EIF3H: variants seen among roughly 807,000 people sequenced by gnomAD.
EIF3H encodes the protein eIF-3-gamma.
Under a neutral mutation model 44.2 loss-of-function variants are expected in EIF3H, and 26 were observed. The observed-to-expected ratio is 0.59, with a 90% CI of 0.43 to 0.82. The LOEUF (loss-of-function observed/expected upper bound fraction) is 0.82, where lower values mean the gene tolerates loss of function less well. Ranked by LOEUF, EIF3H falls within the 40% of genes least tolerant of loss-of-function variation. The probability of loss-of-function intolerance (pLI) is 0.00; values close to 1 mark genes in which losing one functional copy is unlikely to be tolerated. For synonymous variants in EIF3H, 166 were observed against 151.9 expected (o/e 1.09, Z -0.68); for missense variants, 359 against 432.8 (o/e 0.83, Z 1.51).
At chr8:116,758,799 T>C (rs2131007278), upstream of EIF3H, among the ~76,000 whole-genome samples, 1 of 152,308 alleles carries the variant, frequency 6.6e-6, no homozygotes, top group Non-Finnish European at 1.5e-5. Flanking sequence ...AGGAAAATTT[T>C]AAAACATACA....
chr8:116,648,994 G>A (rs1414965916), intron 5 of EIF3H, 68 bp from the exon 6 acceptor site: 2 of 1,397,890 alleles, frequency 1.4e-6, no homozygotes, highest in East Asian at 5.1e-5. Flanking sequence ...GCTCTAAACA[G>A]TTTTAAGATA....
At chr8:116,735,958 T>G (rs1815031614) in intron 1 of EIF3H, among the ~76,000 whole-genome samples, 1 of 152,184 alleles carries the variant, frequency 6.6e-6, no homozygotes, top group Non-Finnish European at 1.5e-5. Flanking sequence ...ATATCAGCGC[T>G]GAAAAAGCTT....
chr8:116,728,121 A>G (rs1814883531), intron 1 of EIF3H, among the ~76,000 whole-genome samples: 1 of 152,226 alleles, frequency 6.6e-6, no homozygotes, highest in Non-Finnish European at 1.5e-5. Context: ...TGTACTGATC[A>G]TCAACACGAC....
intron 2 of EIF3H, among the ~76,000 whole-genome samples, chr8:116,702,115 T>C (rs778161001): frequency 7.9e-5 from 12 of 152,142 alleles, no homozygotes; most frequent in Admixed American, 7.9e-4. Context: ...GTGTGAAGTC[T>C]GGGAATAATG....
chr8:116,733,829 T>C (rs1814989063), intron 1 of EIF3H, among the ~76,000 whole-genome samples: 1 of 152,212 alleles, frequency 6.6e-6, no homozygotes, highest in South Asian at 2.1e-4. Flanking sequence ...AAATATTTTA[T>C]AAAACAAGGT....
chr8:116,704,501 G>A (rs202077471), intron 2 of EIF3H, among the ~76,000 whole-genome samples: 208 of 152,074 alleles, frequency 1.4e-3, no homozygotes, highest in Non-Finnish European at 2.2e-3. Context: ...AAAGATAGAG[G>A]GGAAAAATTT....
chr8:116,708,995 T>TA (rs780141631), intron 2 of EIF3H, among the ~76,000 whole-genome samples: 196 of 140,882 alleles, frequency 1.4e-3, no homozygotes, highest in South Asian at 4.7e-3. Flanking sequence ...GGCCTTTCTT[T>TA]AAAAAAAAAA....
At chr8:116,670,749 C>T (rs1190085694) in intron 2 of EIF3H, among the ~76,000 whole-genome samples, 1 of 152,114 alleles carries the variant, frequency 6.6e-6, no homozygotes, top group Non-Finnish European at 1.5e-5. Flanking sequence ...TAGAAATGTA[C>T]CTTAGATATA....
intron 2 of EIF3H, among the ~76,000 whole-genome samples, chr8:116,716,957 G>A (rs757010075): frequency 3.3e-5 from 5 of 151,916 alleles, no homozygotes; most frequent in Admixed American, 6.6e-5. Context: ...TCCCCGAGGT[G>A]GATGGCACAA....
chr8:116,739,574 T>C (rs1370197990), intron 1 of EIF3H, among the ~76,000 whole-genome samples: 3 of 152,166 alleles, frequency 2.0e-5, no homozygotes, highest in Non-Finnish European at 4.4e-5. Flanking sequence ...GGTGTGAACC[T>C]GGGAGGCGGA....
chr8:116,683,662 C>T (rs1011986121), intron 2 of EIF3H, among the ~76,000 whole-genome samples: 7 of 151,816 alleles, frequency 4.6e-5, no homozygotes, highest in Non-Finnish European at 1.0e-4. Flanking sequence ...TTATTTAAAC[C>T]GTAAATTTTG....
At chr8:116,736,194 G>A (rs1315233713) in intron 1 of EIF3H, among the ~76,000 whole-genome samples, 1 of 152,178 alleles carries the variant, frequency 6.6e-6, no homozygotes, top group African/African-American at 2.4e-5. Flanking sequence ...AATAGTAACA[G>A]GAAGCTGATA....
intron 1 of EIF3H, among the ~76,000 whole-genome samples, chr8:116,742,359 A>G (rs1815147956): frequency 6.6e-6 from 1 of 152,214 alleles, no homozygotes. Flanking sequence ...AAGTATAATG[A>G]TGCAATCAAA....
At chr8:116,761,589 G>C (rs1815519611) in intron 1 of EIF3H, among the ~76,000 whole-genome samples, 1 of 152,200 alleles carries the variant, frequency 6.6e-6, no homozygotes, top group Non-Finnish European at 1.5e-5. Flanking sequence ...TAACATGGTA[G>C]TATTTGTTCT....
intron 2 of EIF3H, among the ~76,000 whole-genome samples, chr8:116,667,923 T>C (rs1364212427): frequency 6.6e-6 from 1 of 152,208 alleles, no homozygotes; most frequent in Non-Finnish European, 1.5e-5. Flanking sequence ...GATGGCAATT[T>C]AAAAAACCTT....
upstream of EIF3H, chr8:116,755,886 C>A: frequency 6.3e-7 from 1 of 1,576,354 alleles, no homozygotes; most frequent in South Asian, 1.1e-5. Flanking sequence ...GGCCGGCGTT[C>A]GAGGGGCGGA....
At chr8:116,703,251 G>A (rs762119669) in intron 2 of EIF3H, among the ~76,000 whole-genome samples, 6 of 152,114 alleles carry the variant, frequency 3.9e-5, no homozygotes, top group East Asian at 3.9e-4. Context: ...GAAGGGACAC[G>A]GTGAGAAGTG....
intron 2 of EIF3H, among the ~76,000 whole-genome samples, chr8:116,722,713 T>C (rs1814771006): frequency 6.6e-6 from 1 of 152,196 alleles, no homozygotes; most frequent in South Asian, 2.1e-4. Flanking sequence ...ATTGAGGTTT[T>C]GTTTTTCTTA....
intron 2 of EIF3H, among the ~76,000 whole-genome samples, chr8:116,666,613 TACAA>T (rs1010401896): frequency 7.9e-5 from 12 of 151,980 alleles, no homozygotes; most frequent in African/African-American, 2.9e-4. Context: ...GATGTGTTTA[TACAA>T]ACAAACTGAA....
Sources: gnomAD v4.1 joint callset for allele counts (sites outside exome capture counted in the v4.1 genomes callset) on GRCh38, gnomAD v4.1.1 for gene constraint, MANE v1.5 for transcripts, NCBI Gene and HGNC (gene_info 2026-07-23, HGNC 2026-07-21) for gene names.